The following TOP2B variants were observed in gnomAD, a reference collection of about 807,000 sequenced individuals.
TOP2B encodes the protein DNA topoisomerase 2-beta.
A neutral mutation model predicts 193.5 loss-of-function variants in TOP2B; 51 were observed. That is an observed-to-expected ratio of 0.26 (90% CI 0.21 to 0.33). TOP2B has a LOEUF of 0.33. Ranked by LOEUF, TOP2B falls within the 10% of genes least tolerant of loss-of-function variation. The pLI is 1.00. For missense variants in TOP2B, 1,378 were observed against 1,909.3 expected, an observed-to-expected ratio of 0.72 and a Z score of 5.19; for synonymous variants, 634 against 635.7, an observed-to-expected ratio of 1.00 and a Z score of 0.04.
chr3:25,624,567 T>C lies in TOP2B; in HGVS notation c.2346+115A>G, dbSNP rs140327550. On this transcript the variant is annotated intron_variant, in intron 19 of 35. Transcript: ENST00000264331. ...TTTAGAATCTCACTAATCTGTATAT[T>C]CTCTTAATTCTTTTACATTTCCAAA... is the stretch of plus-strand genomic sequence containing the variant. 4.8e-5 allele frequency: 73 copies of C among 1,531,826 alleles called. No individual in the cohort carries two copies. In the African/African-American group the frequency reaches 8.5e-4, roughly 18 times the overall value. The allele number at this position is 1,531,826 out of a possible 1,614,324, so 94.9% of individuals were successfully genotyped here. A position where few individuals can be genotyped will look rare whatever the true frequency, so the allele number is the denominator to read the frequency against.
intron 15 of TOP2B, among the ~76,000 whole-genome samples, chr3:25,627,925 G>A (rs979863469): frequency 7.2e-5 from 11 of 151,840 alleles, no homozygotes; most frequent in African/African-American, 2.7e-4. Flanking sequence ...GCCAGGCATA[G>A]TGGCACATGC....
intron 1 of TOP2B, among the ~76,000 whole-genome samples, chr3:25,661,979 C>T (rs1285453655): frequency 6.6e-6 from 1 of 152,184 alleles, no homozygotes; most frequent in Non-Finnish European, 1.5e-5. Flanking sequence ...TTTCTCAAAA[C>T]AGATGACCAC....
intron 1 of TOP2B, among the ~76,000 whole-genome samples, chr3:25,658,711 TAA>T (rs746090329): frequency 1.3e-5 from 2 of 152,090 alleles, no homozygotes; most frequent in Non-Finnish European, 2.9e-5. Context: ...TAATGCCTAA[TAA>T]AAAAACAGAT....
intron 35 of TOP2B, among the ~76,000 whole-genome samples, chr3:25,598,975 G>C (rs544921042): frequency 6.8e-4 from 103 of 152,146 alleles, no homozygotes; most frequent in Non-Finnish European, 1.2e-3. Context: ...AAAGGGATGC[G>C]GGGGAGCTGA....
At chr3:25,619,658 CAG>C (rs1428263774) in intron 23 of TOP2B, among the ~76,000 whole-genome samples, 2 of 144,484 alleles carry the variant, frequency 1.4e-5, no homozygotes, top group African/African-American at 5.2e-5. Context: ...TGCATAAACA[CAG>C]AGTTGAGAAT....
At chr3:25,650,068 CA>C (rs1255430113) in intron 1 of TOP2B, among the ~76,000 whole-genome samples, 1 of 151,734 alleles carries the variant, frequency 6.6e-6, no homozygotes, top group Non-Finnish European at 1.5e-5. Flanking sequence ...GATTAGTAAA[CA>C]AAAAAAGTCA....
At chr3:25,628,116 C>G (rs1575574139) in intron 15 of TOP2B, among the ~76,000 whole-genome samples, 1 of 140,076 alleles carries the variant, frequency 7.1e-6, no homozygotes, top group Non-Finnish European at 1.5e-5. Context: ...TAAAAATAAA[C>G]AATTTTAATA....
At chr3:25,599,326 G>A in intron 35 of TOP2B, 109 bp downstream of exon 35, 1 of 894,266 alleles carries the variant, frequency 1.1e-6, no homozygotes, top group Non-Finnish European at 1.7e-6. Flanking sequence ...ATTGATACGA[G>A]ATGCTAGGTG....
intron 1 of TOP2B, among the ~76,000 whole-genome samples, chr3:25,652,707 G>T (rs757230939): frequency 6.6e-6 from 1 of 151,998 alleles, no homozygotes; most frequent in African/African-American, 2.4e-5. Flanking sequence ...AATCAGTAAA[G>T]ATCTCGAATT....
intron 6 of TOP2B, 148 bp downstream of exon 6, chr3:25,637,067 T>C: frequency 1.6e-6 from 1 of 641,684 alleles, no homozygotes; most frequent in South Asian, 1.8e-5. Context: ...CTGATGTCTC[T>C]TTACTCTGAT....
chr3:25,611,333 AAG>A (rs1702364276), intron 28 of TOP2B, among the ~76,000 whole-genome samples: 1 of 152,194 alleles, frequency 6.6e-6, no homozygotes, highest in Non-Finnish European at 1.5e-5. Context: ...GGAGCCAAGT[AAG>A]AGGAAAGTAG....
At chr3:25,601,298 A>C in intron 33 of TOP2B, 73 bp from the exon 34 acceptor site, 1 of 1,499,734 alleles carries the variant, frequency 6.7e-7, no homozygotes, top group South Asian at 1.3e-5. Flanking sequence ...TCCTATATAA[A>C]TGGAATTTCT....
chr3:25,624,759 T>G lies in TOP2B; in HGVS notation c.2269A>C (p.Arg757=). The change falls in exon 19 of 36, where the codon AGG becomes CGG. Residue 757 remains arginine, a synonymous_variant. Transcript: ENST00000264331. ...QRKVLFTCFK[R]NDKREVKVAQ... is the part of the protein sequence containing the mutation. ...ACTTTTACTTCACGTTTATCATTCCTCTTGAAACAGGTAAATAAAACTTTC... is the reference window on the plus strand; with the variant it reads ...ACTTTTACTTCACGTTTATCATTCCGCTTGAAACAGGTAAATAAAACTTTC... 6.2e-7 allele frequency: 1 copy of G among 1,613,710 alleles called. No individual in the cohort carries two copies. The highest frequency in any genetic ancestry group is 1.1e-5 in the South Asian group (1 of 91,058).
chr3:25,634,298 A>G (rs1703041605), intron 7 of TOP2B, among the ~76,000 whole-genome samples: 1 of 152,152 alleles, frequency 6.6e-6, no homozygotes, highest in Non-Finnish European at 1.5e-5. Context: ...GTAGACTTCC[A>G]GTTTCAGTTC....
chr3:25,601,337 G>A, intron 33 of TOP2B, 112 bp from the exon 34 acceptor site: 7 of 1,333,860 alleles, frequency 5.2e-6, no homozygotes, highest in Non-Finnish European at 7.0e-6. Context: ...GAGTTGCCTG[G>A]CTGGGCGTGG....
intron 7 of TOP2B, 31 bp downstream of exon 7, chr3:25,635,905 T>G: frequency 6.4e-7 from 1 of 1,567,214 alleles, no homozygotes; most frequent in Non-Finnish European, 8.7e-7. Flanking sequence ...TAAAATAACA[T>G]AGTATTAAAA....
chr3:25,648,925 AAG>A (rs1447228458), intron 1 of TOP2B, among the ~76,000 whole-genome samples: 1 of 152,242 alleles, frequency 6.6e-6, no homozygotes, highest in East Asian at 1.9e-4. Context: ...TTGTCATACA[AAG>A]AATTCAAATT....
chr3:25,647,199 T>C (rs561420603), intron 1 of TOP2B, among the ~76,000 whole-genome samples: 6 of 152,302 alleles, frequency 3.9e-5, no homozygotes, highest in Admixed American at 1.3e-4. Flanking sequence ...GAAGAAATAG[T>C]TGATTGATAA....
chr3:25,658,435 C>T (rs1213271375), intron 1 of TOP2B, among the ~76,000 whole-genome samples: 1 of 151,916 alleles, frequency 6.6e-6, no homozygotes, highest in Non-Finnish European at 1.5e-5. Flanking sequence ...ATCAAGGCTA[C>T]ATTTTCATTA....
Sources: allele counts gnomAD v4.1 joint callset (sites outside exome capture counted in the v4.1 genomes callset), GRCh38; gene constraint gnomAD v4.1.1; transcripts MANE v1.5; gene names NCBI Gene and HGNC (gene_info 2026-07-23, HGNC 2026-07-21).